Variants in BAZ1A observed in about 807,000 individuals in gnomAD.
The protein encoded by BAZ1A is bromodomain adjacent to zinc finger domain protein 1A.
A neutral mutation model predicts 185.2 loss-of-function variants in BAZ1A; 50 were observed. That is an observed-to-expected ratio of 0.27 (90% confidence interval 0.22 to 0.34). The LOEUF is 0.34. Ranked by LOEUF, BAZ1A falls within the 10% of genes least tolerant of loss-of-function variation. BAZ1A has a pLI of 1.00. For missense variants in BAZ1A, 1,356 were observed against 1,839.9 expected (o/e 0.74, Z 4.81); for synonymous variants, 571 against 615.6 (o/e 0.93, Z 1.07).
chr14:34,765,264 G>A lies in BAZ1A; in HGVS notation c.3306C>T (p.Ala1102=). 3 of 1,611,544 alleles carry A rather than the reference G, an allele frequency of 1.9e-6. No homozygotes were observed. Among genetic ancestry groups the A allele is most frequent in the Non-Finnish European group, 2.5e-6 (3 of 1,178,922 alleles). The change falls in exon 22 of 27, where the codon GCC becomes GCT. Residue 1102 remains alanine, a synonymous_variant. Transcript: ENST00000360310. ...TTTTATAAGAACGCCCACTGTCACT[G>A]GCATCTTAAATGAAAAGGGAAAGTG... ...ERRFLKAPLD[A]SDSGRSYKTV...
At chr14:34,832,854 C>G (rs920443490) in intron 3 of BAZ1A, among the ~76,000 whole-genome samples, 32 of 152,142 alleles carry the variant, frequency 2.1e-4, no homozygotes, top group African/African-American at 7.5e-4. Flanking sequence ...AACTCAGATA[C>G]TCATACACCA....
intron 3 of BAZ1A, among the ~76,000 whole-genome samples, chr14:34,834,345 T>C (rs893245250): frequency 3.9e-5 from 6 of 152,100 alleles, no homozygotes; most frequent in African/African-American, 1.4e-4. Context: ...ATGAGGCAAA[T>C]ACAGGGTAAA....
chr14:34,861,273 A>G (rs996783944), intron 3 of BAZ1A, among the ~76,000 whole-genome samples: 1 of 152,338 alleles, frequency 6.6e-6, no homozygotes. Context: ...TGACTAGCCA[A>G]TCACAAAGCT....
chr14:34,856,646 T>A (rs2042683393), intron 3 of BAZ1A, among the ~76,000 whole-genome samples: 1 of 151,670 alleles, frequency 6.6e-6, no homozygotes, highest in African/African-American at 2.4e-5. Flanking sequence ...TCACCTGAGG[T>A]CAGGAGTTCA....
chr14:34,809,335 A>AC (rs1228081219), intron 5 of BAZ1A, among the ~76,000 whole-genome samples: 6 of 152,166 alleles, frequency 3.9e-5, no homozygotes, highest in Non-Finnish European at 8.8e-5. Context: ...GTCCTGAAGG[A>AC]CTTCATTAGT....
At chr14:34,802,380 A>G (rs1881616273) in intron 7 of BAZ1A, among the ~76,000 whole-genome samples, 1 of 151,982 alleles carries the variant, frequency 6.6e-6, no homozygotes, top group Admixed American at 6.6e-5. Flanking sequence ...TTTAGTAGAG[A>G]CAGAGTTTTG....
At chr14:34,761,047 G>A (rs957018759) in intron 24 of BAZ1A, among the ~76,000 whole-genome samples, 6 of 151,712 alleles carry the variant, frequency 4.0e-5, no homozygotes, top group African/African-American at 1.5e-4. Flanking sequence ...GGGATGCCGA[G>A]GTGGGTGGAT....
chr14:34,811,558 C>A (rs2041930733), intron 4 of BAZ1A, among the ~76,000 whole-genome samples: 1 of 151,958 alleles, frequency 6.6e-6, no homozygotes, highest in Admixed American at 6.6e-5. Context: ...ACTCCTGGCC[C>A]CCAGAGATCC....
chr14:34,822,834 C>T (rs552528191), intron 4 of BAZ1A, among the ~76,000 whole-genome samples: 6 of 152,250 alleles, frequency 3.9e-5, no homozygotes, highest in Admixed American at 6.5e-5. Context: ...CTTCAAAATG[C>T]TACCTTATAA....
In BAZ1A at chr14:34,874,706, C is replaced by T; in HGVS notation, c.-58-44G>A. On this transcript the variant is annotated intron_variant, in intron 1 of 26. Transcript: ENST00000360310. The surrounding 1 kb of genome is among the most constrained non-coding windows in gnomAD (Gnocchi z 4.7). ...AAGGAAAGCCGGTAAGGTGGGGAGC[C>T]CTCGGCGGCAGCGTGGGCCGGTCCG... 8.0e-6 allele frequency: 8 copies of T among 994,996 alleles called. No homozygotes were observed. The highest frequency in any genetic ancestry group is 1.0e-5 in the Non-Finnish European group (7 of 693,836). The allele number at this position is 994,996 out of a possible 1,614,324, so 61.6% of individuals were successfully genotyped here.
At position 34,862,046 on chromosome 14, in the gene BAZ1A, T is replaced by A. The variant is rs142708800; in HGVS notation, c.390A>T (p.Ala130=). The change falls in exon 3 of 27, where the codon GCA becomes GCT. Residue 130 remains alanine (A), a splice_region_variant and synonymous_variant. Coordinates refer to ENST00000360310, the MANE Select transcript of BAZ1A (RefSeq NM_013448.3). The stretch of plus-strand genomic sequence containing the variant: ...AGGAAAAATTAAAAGTACTTTACCT[T>A]GCACCATTGTTCCTAATGACTTCCA... The part of the protein sequence containing the change: ...ETVEVIRNNG[A]RLQCRILEVL... 5 of 1,613,526 alleles carry A rather than the reference T, an allele frequency of 3.1e-6. No homozygotes were observed. The African/African-American group carries it at 6.7e-5, about 22-fold the overall frequency.
rs369132987 is a variant in BAZ1A at position 34,776,482 on chromosome 14, G to C, written c.2270C>G (p.Thr757Arg). 2.5e-6 allele frequency: 4 copies of C among 1,593,886 alleles called. No individual in the cohort carries two copies. The African/African-American group carries it at 5.4e-5, about 22-fold the overall frequency. ...KRGQNGFKEF[T>R]RQEQINCVTR... is the part of the protein sequence containing the mutation. ...TACACAGTTGATCTGTTCTTGCCTT[G>C]TAAATTCTTTAAATCCATTTTGTCC... Residue 757 changes from threonine to arginine, a missense_variant, in exon 18 of 27, where the codon ACA (threonine) becomes AGA (arginine). Around this residue, in one of 7 missense-constraint regions of BAZ1A, gnomAD observed 434 missense variants for 561.7 expected, o/e 0.77. Transcript: ENST00000360310.
At chr14:34,779,271 T>G (rs1879881509) in intron 17 of BAZ1A, among the ~76,000 whole-genome samples, 1 of 152,232 alleles carries the variant, frequency 6.6e-6, no homozygotes, top group African/African-American at 2.4e-5. Flanking sequence ...CTTGTGTTTC[T>G]TCTTTTCTAA....
intron 3 of BAZ1A, 63 bp downstream of exon 3, chr14:34,861,981 T>C (rs2042776039): frequency 6.5e-7 from 1 of 1,538,250 alleles, no homozygotes; most frequent in East Asian, 2.3e-5. Flanking sequence ...CCACTTTGTG[T>C]GTTTTGGATT....
intron 9 of BAZ1A, 99 bp downstream of exon 9, chr14:34,800,125 T>G (rs1209539028): frequency 1.8e-6 from 2 of 1,141,904 alleles, no homozygotes; most frequent in Non-Finnish European, 2.3e-6. Context: ...TAAATGTGAA[T>G]GAAAGTAGTA....
intron 11 of BAZ1A, among the ~76,000 whole-genome samples, chr14:34,793,216 A>C (rs1272218948): frequency 6.6e-6 from 1 of 152,244 alleles, no homozygotes; most frequent in Non-Finnish European, 1.5e-5. Flanking sequence ...GCACATTTTA[A>C]AAATTACAAT....
chr14:34,765,364 T>C, intron 21 of BAZ1A, 96 bp from the exon 22 acceptor site: 3 of 1,423,266 alleles, frequency 2.1e-6, no homozygotes, highest in Non-Finnish European at 2.8e-6. Flanking sequence ...GGTTAGATTT[T>C]ACATTTCTTT....
At chr14:34,788,662 A>AT (rs200241355) in intron 12 of BAZ1A, among the ~76,000 whole-genome samples, 17 of 151,552 alleles carry the variant, frequency 1.1e-4, no homozygotes, top group East Asian at 5.8e-4. Flanking sequence ...AAAAAAAAAA[A>AT]TTTTTTTTCT....
rs1394502099 is a variant in BAZ1A, at chr14:34,823,170, A to G, written c.536+2843T>C. ...GGAGTTCAAGACCTGCCTGGCCATC[A>G]TGGTGAAACCCACTCTCTACTAAAA... is the stretch of plus-strand genomic sequence containing the variant. On this transcript the variant is annotated intron_variant, in intron 4 of 26. Transcript: ENST00000360310. 4.0e-5 allele frequency among the ~76,000 whole-genome samples: 6 copies of G among 150,938 alleles called. No individual in the cohort carries two copies. In the East Asian group the frequency reaches 5.9e-4, roughly 15 times the overall value.
Sources: gnomAD v4.1 joint callset for allele counts (sites outside exome capture counted in the v4.1 genomes callset) on GRCh38, gnomAD v4.1.1 for gene constraint, gnomAD v4.1.1 regional missense constraint, Gnocchi (gnomAD v3.1) non-coding constraint, MANE v1.5 for transcripts, NCBI Gene and HGNC (gene_info 2026-07-23, HGNC 2026-07-21) for gene names.